DNPEP: variants seen among roughly 807,000 people sequenced by gnomAD.
The protein encoded by DNPEP is aspartyl aminopeptidase.
A neutral mutation model predicts 59.1 loss-of-function variants in DNPEP; 46 were observed. The ratio of observed to expected loss-of-function variants is 0.78; its 90% CI spans 0.61 to 0.99. The LOEUF is 0.99. Ranked by LOEUF, DNPEP falls within the 50% of genes least tolerant of loss-of-function variation. DNPEP has a pLI of 0.00. For missense variants in DNPEP, 617 were observed against 649.9 expected, an observed-to-expected ratio of 0.95 and a Z score of 0.55; for synonymous variants, 229 against 242.2, an observed-to-expected ratio of 0.95 and a Z score of 0.50.
At chr2:219,386,221 T>A in intron 5 of DNPEP, 65 bp downstream of exon 5, 1 of 1,611,886 alleles carries the variant, frequency 6.2e-7, no homozygotes. Flanking sequence ...TCCCCACGGG[T>A]ACCCTGAGGA....
chr2:219,385,716 G>C lies in DNPEP; in HGVS notation c.591-10C>G, dbSNP rs370933655. 188 of 1,595,310 alleles carry C rather than the reference G, an allele frequency of 1.2e-4. No individual in the cohort carries two copies. The highest frequency in any genetic ancestry group is 1.7e-4 in the Middle Eastern group (1 of 5,942). ...GGCAAGAATGGGGACTCTGTGGGGAGACGTGGGTTGTGGGGGGATTGCGAG... is the reference window on the plus strand; with the variant it reads ...GGCAAGAATGGGGACTCTGTGGGGACACGTGGGTTGTGGGGGGATTGCGAG... On this transcript the variant is annotated splice_polypyrimidine_tract_variant and intron_variant, in intron 6 of 14. Coordinates refer to ENST00000273075, the MANE Select transcript of DNPEP (RefSeq NM_012100.4).
intron 1 of DNPEP, chr2:219,399,581 G>T: frequency 1.6e-6 from 1 of 623,044 alleles, no homozygotes; most frequent in Non-Finnish European, 3.0e-6. Context: ...CCGATGGGTG[G>T]GCTGCCCTTG....
upstream of DNPEP, among the ~76,000 whole-genome samples, chr2:219,390,555 A>C (rs1420688635): frequency 1.3e-5 from 2 of 152,248 alleles, no homozygotes; most frequent in Non-Finnish European, 2.9e-5. Flanking sequence ...AGGAAAATGC[A>C]AGTTAAAAAT....
chr2:219,381,169 C>T (rs1347053235), intron 13 of DNPEP, among the ~76,000 whole-genome samples, 166 bp downstream of exon 13: 1 of 152,242 alleles, frequency 6.6e-6, no homozygotes, highest in Non-Finnish European at 1.5e-5. Context: ...TGCAGCAGAG[C>T]CAGCATGGAA....
At chr2:219,399,974 G>A (rs372150127) in exon 1 of DNPEP, 97 of 1,475,422 alleles carry the variant, frequency 6.6e-5, no homozygotes, top group African/African-American at 2.0e-4. Context: ...GGCCTGAACC[G>A]TGTGCCTTTT....
chr2:219,389,842 A>ATAAATAAATAAATAAATAAATAAG (rs1953985825), upstream of DNPEP, among the ~76,000 whole-genome samples: 1 of 151,666 alleles, frequency 6.6e-6, no homozygotes, highest in East Asian at 1.9e-4. Context: ...CAATAAATAA[A>ATAAATAAATAAATAAATAAATAAG]TAAATAAAAT....
At chr2:219,388,170 C>CTT (rs1953937391), upstream of DNPEP, among the ~76,000 whole-genome samples, 2 of 144,662 alleles carry the variant, frequency 1.4e-5, no homozygotes, top group African/African-American at 5.1e-5. Context: ...GCCCGCCCCG[C>CTT]CCCTCGTCAA....
intron 1 of DNPEP, among the ~76,000 whole-genome samples, chr2:219,397,504 A>G (rs927808314): frequency 2.0e-5 from 3 of 152,024 alleles, no homozygotes; most frequent in African/African-American, 7.2e-5. Context: ...TAGCCTCCAT[A>G]TGATCAAGAA....
intron 6 of DNPEP, 36 bp from the exon 7 acceptor site, chr2:219,385,742 G>A: frequency 5.1e-6 from 8 of 1,561,028 alleles, no homozygotes; most frequent in Non-Finnish European, 7.0e-6. Context: ...GGATTGCGAG[G>A]AGGGCACAGC....
intron 1 of DNPEP, among the ~76,000 whole-genome samples, chr2:219,397,171 C>T (rs939270312): frequency 3.9e-5 from 6 of 152,158 alleles, no homozygotes; most frequent in Non-Finnish European, 8.8e-5. Context: ...AGCTGTGGGT[C>T]GTATTTGCCG....
intron 1 of DNPEP, 50 bp downstream of exon 1, chr2:219,387,709 G>C: frequency 2.5e-6 from 4 of 1,606,302 alleles, no homozygotes; most frequent in Non-Finnish European, 3.4e-6. Context: ...GGAGGGCGCC[G>C]GACCCGGTCT....
At chr2:219,397,656 G>A (rs1337759881) in intron 1 of DNPEP, among the ~76,000 whole-genome samples, 4 of 152,198 alleles carry the variant, frequency 2.6e-5, no homozygotes, top group Admixed American at 6.5e-5. Context: ...TCTGGGCTGG[G>A]GGTATGTAAA....
rs750460008 is a variant in DNPEP, at chr2:219,374,879, G to A, written c.1383C>T (p.Val461=). 6 of 1,614,176 alleles carry A rather than the reference G, an allele frequency of 3.7e-6. No individual in the cohort carries two copies. The highest frequency in any genetic ancestry group is 5.1e-6 in the Non-Finnish European group (6 of 1,180,020). The change falls in exon 14 of 15, where the codon GTC becomes GTT. Residue 461 remains valine, a synonymous_variant. Coordinates refer to ENST00000273075, the MANE Select transcript of DNPEP (RefSeq NM_012100.4). ...SIREMACTTG[V]LQTLTLFKGF... ...CCTTGAAGAGGGTGAGGGTCTGGAG[G>A]ACTCCTGTGGTGCAGGCCATCTCCC... is the stretch of plus-strand genomic sequence containing the variant.
Position 219,374,790 on chromosome 2 carries a change from CAACCAA to C in DNPEP, c.1407+59_1407+64del, listed in dbSNP as rs1953301319. Reference sequence around the variant, plus strand: ...CTTTGTGATGGCGATGTTGTCCCAGCAACCAATCCAGGCACTAGAGGGGAAGCAGCC... The same window carrying C: ...CTTTGTGATGGCGATGTTGTCCCAGCTCCAGGCACTAGAGGGGAAGCAGCC... On this transcript the variant is annotated intron_variant, in intron 14 of 14. Coordinates refer to ENST00000273075, the MANE Select transcript of DNPEP (RefSeq NM_012100.4). 7 of 1,558,574 alleles carry C rather than the reference CAACCAA, an allele frequency of 4.5e-6. No homozygotes were observed. The East Asian group carries it at 1.6e-4, about 35-fold the overall frequency.
chr2:219,399,448 C>T, intron 1 of DNPEP: 2 of 460,304 alleles, frequency 4.3e-6, no homozygotes, highest in South Asian at 3.1e-5. Flanking sequence ...ACCTGAAACT[C>T]CTGATTTGGA....
rs529464642 is a variant in DNPEP, at chr2:219,384,277, C to T, written c.852+89G>A. 13 of 1,308,868 alleles carry T rather than the reference C, an allele frequency of 9.9e-6. 1 individual carries two copies. The African/African-American group carries it at 1.9e-4, about 19-fold the overall frequency. The allele number at this position is 1,308,868 out of a possible 1,614,324, so 81.1% of individuals were successfully genotyped here. A position where few individuals can be genotyped will look rare whatever the true frequency, so the allele number is the denominator to read the frequency against. ...GGTAGACAATGGCCCTCTCTCACAA[C>T]CTGCTGGGGCTTTAGGCAGCTCCCC... On this transcript the variant is annotated intron_variant, in intron 9 of 14. Transcript: ENST00000273075.
chr2:219,399,362 T>G (rs919046384), intron 1 of DNPEP: 1 of 441,334 alleles, frequency 2.3e-6, no homozygotes, highest in Non-Finnish European at 4.6e-6. Flanking sequence ...AACTGGCAGG[T>G]GTTTAAACTC....
intron 13 of DNPEP, among the ~76,000 whole-genome samples, chr2:219,380,062 T>C (rs1953524512): frequency 6.6e-6 from 1 of 152,154 alleles, no homozygotes; most frequent in Non-Finnish European, 1.5e-5. Flanking sequence ...TGTACAGTAA[T>C]GTCCTAGGCC....
In DNPEP at chr2:219,386,087, T is replaced by G; in HGVS notation, c.471A>C (p.Ser157=). The change falls in exon 6 of 15, where the codon TCA becomes TCC. Residue 157 remains serine, a synonymous_variant. Transcript: ENST00000273075. ...GCACCAGCTGCTGCTCCAGCCGACCTGAGGTAGGGCACTGCAGCCAGCCAG... is the reference window on the plus strand; with the variant it reads ...GCACCAGCTGCTGCTCCAGCCGACCGGAGGTAGGGCACTGCAGCCAGCCAG... The part of the protein sequence containing the change: ...AGRVIVKCPT[S]GRLEQQLVHV... The G allele has an allele frequency of 6.2e-7, 1 of 1,614,092 alleles. No individual in the cohort carries two copies. Among genetic ancestry groups the G allele is most frequent in the East Asian group, 2.2e-5 (1 of 44,874 alleles).
Sources: allele counts gnomAD v4.1 joint callset (sites outside exome capture counted in the v4.1 genomes callset), GRCh38; gene constraint gnomAD v4.1.1; transcripts MANE v1.5; gene names NCBI Gene and HGNC (gene_info 2026-07-23, HGNC 2026-07-21).